The following BMPER variants were observed in gnomAD, a reference collection of about 807,000 sequenced individuals.
BMPER encodes BMP binding endothelial regulator, also known as BMP-binding endothelial regulator protein.
A neutral mutation model predicts 87.3 loss-of-function variants in BMPER; 45 were observed. That is an observed-to-expected ratio of 0.52 (90% CI 0.41 to 0.66). The LOEUF is 0.66. Ranked by LOEUF, BMPER falls within the 30% of genes least tolerant of loss-of-function variation. BMPER has a pLI of 0.00. For synonymous variants in BMPER, 326 were observed against 316.2 expected (o/e 1.03, Z -0.33); for missense variants, 784 against 867.5 (o/e 0.90, Z 1.21).
chr7:34,132,151 G>A (rs547175719), intron 13 of BMPER, among the ~76,000 whole-genome samples: 1 of 152,118 alleles, frequency 6.6e-6, no homozygotes, highest in African/African-American at 2.4e-5. Flanking sequence ...ATTATGCCGT[G>A]GGACAATTGT....
chr7:34,054,020 A>G (rs1788213833), intron 8 of BMPER, among the ~76,000 whole-genome samples: 1 of 152,224 alleles, frequency 6.6e-6, no homozygotes, highest in Non-Finnish European at 1.5e-5. Flanking sequence ...CTCAGGTGTC[A>G]TTCAACCTGA....
At chr7:34,081,395 G>A (rs1046111861) in intron 12 of BMPER, among the ~76,000 whole-genome samples, 1 of 152,240 alleles carries the variant, frequency 6.6e-6, no homozygotes, top group South Asian at 2.1e-4. Context: ...GCCTGCAGCT[G>A]GAAGATGGGA....
intron 3 of BMPER, among the ~76,000 whole-genome samples, chr7:33,950,404 A>G (rs1784991049): frequency 6.6e-6 from 1 of 152,168 alleles, no homozygotes; most frequent in Non-Finnish European, 1.5e-5. Context: ...ACGGCCTAAA[A>G]TAACATCATT....
chr7:33,907,461 C>T (rs1447734778), intron 2 of BMPER, among the ~76,000 whole-genome samples: 6 of 152,074 alleles, frequency 3.9e-5, no homozygotes, highest in African/African-American at 9.7e-5. Flanking sequence ...AAGCATGAGT[C>T]GGAAAGGACA....
chr7:34,002,682 A>G (rs1046438362), intron 6 of BMPER, among the ~76,000 whole-genome samples: 1 of 151,712 alleles, frequency 6.6e-6, no homozygotes, highest in African/African-American at 2.4e-5. Context: ...TTTGCTTCAT[A>G]TATGTTAGGC....
rs962598019 is a variant in BMPER, at chr7:34,043,218, T to C, written c.577-3088T>C. Among the ~76,000 whole-genome samples the C allele has an allele frequency of 7.2e-5, 11 of 152,340 alleles. No homozygotes were observed. The East Asian group carries it at 2.1e-3, about 29-fold the overall frequency. On this transcript the variant is annotated intron_variant, in intron 6 of 14. Coordinates refer to ENST00000649409, the MANE Select transcript of BMPER (RefSeq NM_001365308.1). ...AAAGAACCGATGCATCTGAATAATGTAACAAAATGTATTTCTTGCTTGTTT... is the reference window on the plus strand; with the variant it reads ...AAAGAACCGATGCATCTGAATAATGCAACAAAATGTATTTCTTGCTTGTTT...
intron 6 of BMPER, among the ~76,000 whole-genome samples, chr7:33,999,815 T>C (rs1786529091): frequency 6.6e-6 from 1 of 152,218 alleles, no homozygotes; most frequent in Admixed American, 6.5e-5. Context: ...AGAGAGCACA[T>C]CTTATCCTCC....
rs1297942391 is a variant in BMPER at position 34,051,912 on chromosome 7, A to T, written c.728A>T (p.Asp243Val). The T allele has an allele frequency of 1.2e-6, 2 of 1,614,026 alleles. No individual in the cohort carries two copies. Among genetic ancestry groups the T allele is most frequent in the Non-Finnish European group, 1.7e-6 (2 of 1,179,904 alleles). The change falls in exon 8 of 15, where the codon GAT (aspartate) becomes GTT (valine). Residue 243 changes from aspartate to valine, a missense_variant. By Grantham distance (152) the Asp-to-Val change is radical. Coordinates refer to ENST00000649409, the MANE Select transcript of BMPER (RefSeq NM_001365308.1). ...LPFGSCLFRS[D>V]VYDNGSSFLY... The stretch of plus-strand genomic sequence containing the variant: ...TTTGGGAGCTGCCTCTTTCGAAGTG[A>T]TGTTTATGACAATGGATCCTCATTT...
chr7:34,041,782 A>C (rs1268817488), intron 6 of BMPER, among the ~76,000 whole-genome samples: 1 of 152,128 alleles, frequency 6.6e-6, no homozygotes, highest in Non-Finnish European at 1.5e-5. Flanking sequence ...ACTCTAGAGA[A>C]AAAAATAGAG....
intron 13 of BMPER, among the ~76,000 whole-genome samples, chr7:34,115,303 G>T (rs1387167880): frequency 1.3e-5 from 2 of 152,116 alleles, no homozygotes; most frequent in African/African-American, 2.4e-5. Context: ...TCATGGCATT[G>T]GTTCTTTAAA....
chr7:34,079,198 G>A lies in BMPER; in HGVS notation c.1408+12G>A. 6.2e-7 allele frequency: 1 copy of A among 1,613,360 alleles called. No individual in the cohort carries two copies. Among genetic ancestry groups the A allele is most frequent in the Non-Finnish European group, 8.5e-7 (1 of 1,179,956 alleles). On this transcript the variant is annotated intron_variant, in intron 12 of 14. Transcript: ENST00000649409. ...GACCACCAAAGCAGGTGGGGCGTCTGTGGCCTCCCTCTTGCTCTAGCCTCC... is the reference window on the plus strand; with the variant it reads ...GACCACCAAAGCAGGTGGGGCGTCTATGGCCTCCCTCTTGCTCTAGCCTCC...
chr7:34,031,956 A>C (rs1270322700), intron 6 of BMPER, among the ~76,000 whole-genome samples: 1 of 138,614 alleles, frequency 7.2e-6, no homozygotes, highest in African/African-American at 2.7e-5. Flanking sequence ...ATATATACAC[A>C]CACACATATA....
chr7:34,139,110 C>T (rs922650514), intron 13 of BMPER, among the ~76,000 whole-genome samples: 2 of 152,192 alleles, frequency 1.3e-5, no homozygotes, highest in Non-Finnish European at 2.9e-5. Context: ...TTTTGTCCCT[C>T]CCTAAAATTT....
intron 13 of BMPER, among the ~76,000 whole-genome samples, chr7:34,129,465 A>T (rs544411891): frequency 6.6e-6 from 1 of 150,976 alleles, no homozygotes; most frequent in East Asian, 1.9e-4. Context: ...TGTGCCACTG[A>T]CTCCAGAGGT....
intron 6 of BMPER, among the ~76,000 whole-genome samples, chr7:34,033,575 T>A (rs1787585014): frequency 6.6e-6 from 1 of 152,216 alleles, no homozygotes; most frequent in African/African-American, 2.4e-5. Flanking sequence ...GTTAGGCTGG[T>A]AGAATAAAAT....
chr7:33,946,508 G>C (rs550869337), intron 3 of BMPER, among the ~76,000 whole-genome samples: 2 of 152,314 alleles, frequency 1.3e-5, no homozygotes, highest in South Asian at 2.1e-4. Flanking sequence ...ACACACAAAG[G>C]CATGACATAG....
At chr7:34,147,863 C>A (rs147103397) in intron 14 of BMPER, among the ~76,000 whole-genome samples, 6 of 151,982 alleles carry the variant, frequency 3.9e-5, no homozygotes, top group Non-Finnish European at 5.9e-5. Context: ...GATCTTATGT[C>A]TTTTACAAGT....
chr7:34,123,346 T>G (rs1441856877), intron 13 of BMPER, among the ~76,000 whole-genome samples: 1 of 152,178 alleles, frequency 6.6e-6, no homozygotes, highest in Non-Finnish European at 1.5e-5. Context: ...CTGTGTTCAA[T>G]TGGAGTAAAT....
Position 33,954,993 on chromosome 7 carries a change from G to T in BMPER, c.320-11486G>T, listed in dbSNP as rs547265894. 9.9e-4 allele frequency among the ~76,000 whole-genome samples: 151 copies of T among 152,290 alleles called. 1 individual carries two copies. Among genetic ancestry groups the T allele is most frequent in the African/African-American group, 3.5e-3 (145 of 41,566 alleles). ...GCTTACCACAACCTCCGCCTGCCGG[G>T]TTCAAGCGATTCTCCTGCCTCAGCC... is the stretch of plus-strand genomic sequence containing the variant. On this transcript the variant is annotated intron_variant, in intron 3 of 14. Transcript: ENST00000649409.
Sources: gnomAD v4.1 joint callset for allele counts (sites outside exome capture counted in the v4.1 genomes callset) on GRCh38, gnomAD v4.1.1 for gene constraint, MANE v1.5 for transcripts, NCBI Gene and HGNC (gene_info 2026-07-23, HGNC 2026-07-21) for gene names.